HEXD: variants seen among roughly 807,000 people sequenced by gnomAD.
HEXD encodes the protein hexosaminidase D, also known as N-acetyl-beta-galactosaminidase.
In HEXD, 47 loss-of-function variants were observed where a neutral mutation model predicts 54.2. That is an observed-to-expected ratio of 0.87 (90% CI 0.69 to 1.11). The LOEUF (loss-of-function observed/expected upper bound fraction) is 1.11, where lower values mean the gene tolerates loss of function less well. Ranked by LOEUF, HEXD falls within the 50% of genes least tolerant of loss-of-function variation. The pLI, the probability that HEXD is intolerant of heterozygous loss-of-function variation, is 0.00. For missense variants in HEXD, 576 were observed against 649.2 expected (o/e 0.89, Z 1.23); for synonymous variants, 293 against 287.6 (o/e 1.02, Z -0.19).
At chr17:82,435,356 A>C (rs1335491826) in intron 5 of HEXD, among the ~76,000 whole-genome samples, 4 of 152,198 alleles carry the variant, frequency 2.6e-5, no homozygotes, top group Admixed American at 2.6e-4. Flanking sequence ...GTCAGCTGCC[A>C]GAGCTTGGCT....
At chr17:82,437,478 C>A in intron 8 of HEXD, 115 bp downstream of exon 8, 1 of 938,392 alleles carries the variant, frequency 1.1e-6, no homozygotes, top group Non-Finnish European at 1.5e-6. Flanking sequence ...GGAAGCAGCC[C>A]GGGCCTCCAA....
chr17:82,439,908 T>G, intron 9 of HEXD, 195 bp downstream of exon 9: 4 of 1,526,578 alleles, frequency 2.6e-6, no homozygotes, highest in Non-Finnish European at 3.5e-6. Flanking sequence ...TGTCTGGGTC[T>G]CCAGGCCTAA....
At position 82,418,369 on chromosome 17, in the gene HEXD, T is replaced by A. The variant is rs1012273028; in HGVS notation, c.-423T>A. The A allele has an allele frequency of 1.6e-6, 2 of 1,251,550 alleles. No homozygotes were observed. Among genetic ancestry groups the A allele is most frequent in the African/African-American group, 1.6e-5 (1 of 61,640 alleles). The allele number at this position is 1,251,550 out of a possible 1,614,324, so 77.5% of individuals were successfully genotyped here. ...CCCAGTCCCGCCCACTCCATGGCCC[T>A]GTCCGCCGCCGCAGCGCGCGCCCTT... is the stretch of plus-strand genomic sequence containing the variant. On this transcript the variant is annotated 5_prime_UTR_variant, in exon 1 of 13. Coordinates refer to ENST00000327949, the MANE Select transcript of HEXD (RefSeq NM_001330542.2).
At chr17:82,425,542 A>G (rs550121354) in intron 3 of HEXD, 5 of 152,770 alleles carry the variant, frequency 3.3e-5, no homozygotes, top group Admixed American at 3.3e-4. Context: ...TGTGGTGGAG[A>G]TGGGAGGCCC....
chr17:82,421,375 A>G (rs1051235691), intron 2 of HEXD, among the ~76,000 whole-genome samples: 2 of 152,194 alleles, frequency 1.3e-5, no homozygotes, highest in African/African-American at 2.4e-5. Flanking sequence ...GCGAAGGGAA[A>G]GGTCCTGGGG....
In HEXD at chr17:82,442,139, G is replaced by C; in HGVS notation, c.1254-38G>C. 1 of 1,578,272 alleles carries C rather than the reference G, an allele frequency of 6.3e-7. No individual in the cohort carries two copies. The highest frequency in any genetic ancestry group is 8.6e-7 in the Non-Finnish European group (1 of 1,165,138). ...CCATGGGGCTGAGGGCAAGTCCCAA[G>C]TGTGCAGACTGTGCGTTCATGGCGC... On this transcript the variant is annotated intron_variant, in intron 12 of 12. Transcript: ENST00000327949. The surrounding 1 kb of genome is among the most constrained non-coding windows in gnomAD (Gnocchi z 6.8).
At chr17:82,440,464 T>C in intron 9 of HEXD, 2 of 548,096 alleles carry the variant, frequency 3.6e-6, no homozygotes, top group South Asian at 2.1e-5. Context: ...ATATTGACGG[T>C]ATTTGCAGTG....
At position 82,442,466 on chromosome 17, in the gene HEXD, C is replaced by T. The variant is rs765881327; in HGVS notation, c.*82C>T. The T allele has an allele frequency of 5.0e-6, 8 of 1,607,358 alleles. No homozygotes were observed. The highest frequency in any genetic ancestry group is 1.1e-5 in the South Asian group (1 of 90,996). On this transcript the variant is annotated 3_prime_UTR_variant, in exon 13 of 13. Coordinates refer to ENST00000327949, the MANE Select transcript of HEXD (RefSeq NM_001330542.2). The surrounding 1 kb of genome is among the most constrained non-coding windows in gnomAD (Gnocchi z 6.8). ...AAATGGCCTGGGCAATACGGGCCCA[C>T]GTGGGCGTCGTGCCCTCTGGCCCAG...
intron 8 of HEXD, among the ~76,000 whole-genome samples, chr17:82,438,917 C>A (rs1438210534): frequency 6.6e-6 from 1 of 152,286 alleles, no homozygotes; most frequent in Admixed American, 6.5e-5. Flanking sequence ...CCTCCTCCCC[C>A]AGAGCAGCGG....
At chr17:82,433,141 T>A (rs1318302792) in intron 4 of HEXD, among the ~76,000 whole-genome samples, 3,016 of 39,708 alleles carry the variant, frequency 0.076, 405 homozygotes, top group East Asian at 0.68. Context: ...TTTTTTTTTT[T>A]TTTATATATA....
rs2053683515 is a variant in HEXD, at chr17:82,433,916, A to G, written c.447+94A>G. ...AAATCTTCCAGGCACTGAGGCCTAG[A>G]GACAGGCTTGTTGTTCCCCTCAGGG... On this transcript the variant is annotated intron_variant, in intron 5 of 12. Coordinates refer to ENST00000327949, the MANE Select transcript of HEXD (RefSeq NM_001330542.2). 1.5e-5 allele frequency: 18 copies of G among 1,183,710 alleles called. 1 individual carries two copies. In the South Asian group the frequency reaches 2.4e-4, roughly 16 times the overall value. 73.3% of individuals were successfully genotyped at this position (1,183,710 alleles called of 1,614,324 possible).
intron 4 of HEXD, among the ~76,000 whole-genome samples, chr17:82,433,134 T>A (rs1346140629): frequency 2.0e-4 from 6 of 30,354 alleles, no homozygotes; most frequent in Non-Finnish European, 2.5e-4. Context: ...ATATATTTTT[T>A]TTTTTTTTTT....
rs1265284649 is a variant in HEXD, at chr17:82,435,723, G to C, written c.482G>C (p.Arg161Pro). 6.2e-7 allele frequency: 1 copy of C among 1,612,738 alleles called. No homozygotes were observed. The highest frequency in any genetic ancestry group is 1.7e-5 in the Admixed American group (1 of 60,018). Residue 161 changes from arginine to proline, a missense_variant, in exon 6 of 13, where the codon CGG becomes CCG. Coordinates refer to ENST00000327949, the MANE Select transcript of HEXD (RefSeq NM_001330542.2). ...YYLGEGEASR[R>P]WLQQEQNSTG... ...CTCGGAGAGGGGGAGGCCTCGCGCC[G>C]GTGGCTACAGCAAGAGCAGAACAGC...
intron 4 of HEXD, among the ~76,000 whole-genome samples, chr17:82,433,124 A>ATTTT (rs1464263689): frequency 6.2e-5 from 1 of 16,042 alleles, no homozygotes; most frequent in Non-Finnish European, 8.9e-5. Flanking sequence ...ATATATATAT[A>ATTTT]TATATTTTTT....
intron 5 of HEXD, among the ~76,000 whole-genome samples, chr17:82,435,384 C>T (rs1404734979): frequency 6.6e-6 from 1 of 152,128 alleles, no homozygotes; most frequent in African/African-American, 2.4e-5. Flanking sequence ...GAAGCCGAGC[C>T]GTGTTCATGG....
At chr17:82,422,604 GACTAA>G (rs1403870948) in intron 2 of HEXD, among the ~76,000 whole-genome samples, 4 of 152,080 alleles carry the variant, frequency 2.6e-5, no homozygotes, top group African/African-American at 4.8e-5. Flanking sequence ...TTTTAATGAA[GACTAA>G]ACTATAAGAA....
rs1382296323 is a variant in HEXD at position 82,418,352 on chromosome 17, C to A, written c.-440C>A. On this transcript the variant is annotated 5_prime_UTR_variant, in exon 1 of 13. Transcript: ENST00000327949. ...GGCCCCGCCCCATCAGCCCCAGTCC[C>A]GCCCACTCCATGGCCCTGTCCGCCG... is the stretch of plus-strand genomic sequence containing the variant. 1.8e-6 allele frequency: 2 copies of A among 1,102,324 alleles called. No individual in the cohort carries two copies. The highest frequency in any genetic ancestry group is 2.5e-6 in the Non-Finnish European group (2 of 791,290). 68.3% of individuals were successfully genotyped at this position (1,102,324 alleles called of 1,614,324 possible).
chr17:82,432,522 A>G (rs1219412959), intron 4 of HEXD, among the ~76,000 whole-genome samples: 1 of 152,176 alleles, frequency 6.6e-6, no homozygotes, highest in South Asian at 2.1e-4. Context: ...GGCCGAGGCC[A>G]CAGAGTCTCT....
At chr17:82,441,461 G>T (rs1339328687) in intron 11 of HEXD, among the ~76,000 whole-genome samples, 195 bp downstream of exon 11, 2 of 147,306 alleles carry the variant, frequency 1.4e-5, no homozygotes, top group Non-Finnish European at 3.0e-5. Context: ...AGGTGTGAGC[G>T]TGCAGGTGTG....
Sources: allele counts gnomAD v4.1 joint callset (sites outside exome capture counted in the v4.1 genomes callset), GRCh38; gene constraint gnomAD v4.1.1; non-coding constraint Gnocchi (gnomAD v3.1); transcripts MANE v1.5; gene names NCBI Gene and HGNC (gene_info 2026-07-23, HGNC 2026-07-21).